PTPRR: variants seen among roughly 807,000 people sequenced by gnomAD.
PTPRR encodes protein tyrosine phosphatase receptor type R, also known as receptor-type tyrosine-protein phosphatase R.
PTPRR carries 38 observed loss-of-function variants against 77.2 expected under a neutral mutation model. That is an observed-to-expected ratio of 0.49 (90% CI 0.38 to 0.65). PTPRR has a LOEUF of 0.65. PTPRR is among the 30% of genes least tolerant of loss of function. PTPRR has a pLI of 0.00. For synonymous variants in PTPRR, 299 were observed against 283.1 expected, an observed-to-expected ratio of 1.06 and a Z score of -0.57; for missense variants, 744 against 799.2, an observed-to-expected ratio of 0.93 and a Z score of 0.83.
At chr12:70,769,238 C>T (rs540232005) in intron 2 of PTPRR, among the ~76,000 whole-genome samples, 1,659 of 150,792 alleles carry the variant, frequency 0.011, 24 homozygotes, top group African/African-American at 0.039. Context: ...TTGCAGACGA[C>T]GTGATTGTAT....
At chr12:70,701,370 G>C in intron 6 of PTPRR, 47 bp from the exon 7 acceptor site, 1 of 1,555,680 alleles carries the variant, frequency 6.4e-7, no homozygotes, top group Non-Finnish European at 8.8e-7. Flanking sequence ...TACTTATTTT[G>C]ATTGCAAAAA....
chr12:70,781,826 A>G (rs1307201904), intron 2 of PTPRR, among the ~76,000 whole-genome samples: 1 of 152,138 alleles, frequency 6.6e-6, no homozygotes, highest in Non-Finnish European at 1.5e-5. Flanking sequence ...CTACAGCAAT[A>G]GTGTCTTAGA....
chr12:70,778,416 C>T (rs1309478380), intron 2 of PTPRR, among the ~76,000 whole-genome samples: 1 of 152,146 alleles, frequency 6.6e-6, no homozygotes, highest in Admixed American at 6.5e-5. Flanking sequence ...TTATAGTCTA[C>T]AGATTCCAGA....
chr12:70,882,368 C>CGG (rs1161669546), intron 2 of PTPRR, among the ~76,000 whole-genome samples: 2 of 152,132 alleles, frequency 1.3e-5, no homozygotes, highest in African/African-American at 4.8e-5. Context: ...TCCTAAGTCA[C>CGG]TACCGTGACT....
At chr12:70,805,418 C>G (rs1430330576) in intron 2 of PTPRR, among the ~76,000 whole-genome samples, 3 of 151,950 alleles carry the variant, frequency 2.0e-5, no homozygotes, top group Admixed American at 2.0e-4. Context: ...CTCCCTGAAG[C>G]CTGGAGTCAG....
intron 10 of PTPRR, among the ~76,000 whole-genome samples, 180 bp from the exon 11 acceptor site, chr12:70,662,785 A>G (rs1438383530): frequency 6.6e-6 from 1 of 152,156 alleles, no homozygotes; most frequent in Non-Finnish European, 1.5e-5. Context: ...GCTAGATTTT[A>G]TGGTATATAA....
At chr12:70,737,955 C>T (rs146705083) in intron 6 of PTPRR, among the ~76,000 whole-genome samples, 5 of 152,156 alleles carry the variant, frequency 3.3e-5, no homozygotes, top group African/African-American at 1.2e-4. Context: ...TAAAGATTCT[C>T]CAAGTTAAAA....
In PTPRR at chr12:70,736,914, G is replaced by C. The variant is rs375423288; in HGVS notation, c.1007+8904C>G. On this transcript the variant is annotated intron_variant, in intron 6 of 13. Transcript: ENST00000283228. Reference sequence around the variant, plus strand: ...GAACCTGGAGTGTAAACTTAGCTCTGCTGCGACCTTTGGCAAGTACAGTAA... The same window carrying C: ...GAACCTGGAGTGTAAACTTAGCTCTCCTGCGACCTTTGGCAAGTACAGTAA... Among the ~76,000 whole-genome samples, 73 of 152,304 alleles carry C rather than the reference G, an allele frequency of 4.8e-4. 1 individual carries two copies. The East Asian group carries it at 0.013, about 28-fold the overall frequency.
intron 2 of PTPRR, among the ~76,000 whole-genome samples, chr12:70,789,567 G>A (rs1891388178): frequency 6.6e-6 from 1 of 151,876 alleles, no homozygotes. Context: ...ATACCATTAT[G>A]ATTGAACCCT....
At chr12:70,743,969 A>C (rs892495970) in intron 6 of PTPRR, among the ~76,000 whole-genome samples, 2 of 152,102 alleles carry the variant, frequency 1.3e-5, no homozygotes, top group South Asian at 4.1e-4. Context: ...AATCAGTTTC[A>C]TTATGACCCT....
intron 2 of PTPRR, among the ~76,000 whole-genome samples, chr12:70,831,007 A>G (rs969444123): frequency 1.3e-5 from 2 of 152,172 alleles, no homozygotes; most frequent in African/African-American, 4.8e-5. Context: ...AAAAGACTTT[A>G]TTGTATTAGC....
chr12:70,797,714 T>C (rs956635391), intron 2 of PTPRR, among the ~76,000 whole-genome samples: 1 of 152,130 alleles, frequency 6.6e-6, no homozygotes, highest in African/African-American at 2.4e-5. Flanking sequence ...TTGAGTACTC[T>C]TGTCTTCTTG....
intron 12 of PTPRR, among the ~76,000 whole-genome samples, chr12:70,659,545 T>C (rs1886717639): frequency 6.6e-6 from 1 of 151,984 alleles, no homozygotes; most frequent in Admixed American, 6.6e-5. Flanking sequence ...GGGAGCTGGT[T>C]TTATAGGGGA....
intron 2 of PTPRR, among the ~76,000 whole-genome samples, chr12:70,845,894 G>A (rs1180144643): frequency 6.6e-6 from 1 of 152,112 alleles, no homozygotes; most frequent in Non-Finnish European, 1.5e-5. Context: ...CTGAACCTAA[G>A]TGCCCTGAAT....
chr12:70,903,784 G>A (rs1038889317), intron 1 of PTPRR, among the ~76,000 whole-genome samples: 8 of 151,792 alleles, frequency 5.3e-5, no homozygotes, highest in Middle Eastern at 3.4e-3. Flanking sequence ...TGTTAAGAAA[G>A]GGAGAAAGCT....
intron 6 of PTPRR, among the ~76,000 whole-genome samples, chr12:70,742,030 A>G (rs2136917489): frequency 6.6e-6 from 1 of 152,342 alleles, no homozygotes; most frequent in East Asian, 1.9e-4. Context: ...ACTGCTGGAA[A>G]TGAAGGGGCT....
intron 8 of PTPRR, among the ~76,000 whole-genome samples, chr12:70,697,510 A>C (rs1308302654): frequency 1.3e-5 from 2 of 152,108 alleles, no homozygotes; most frequent in East Asian, 3.8e-4. Context: ...CCATTCTATG[A>C]GTTGTCTTTT....
rs1049833581 is a variant in PTPRR, at chr12:70,808,479, G to A, written c.358-43701C>T. On this transcript the variant is annotated intron_variant, in intron 2 of 13. Coordinates refer to ENST00000283228, the MANE Select transcript of PTPRR (RefSeq NM_002849.4). ...CTCAGGGGGCATCACAGAACCTGCT[G>A]ACATGTGATGTCTCCCTTGGACACC... 4.4e-4 allele frequency among the ~76,000 whole-genome samples: 67 copies of A among 152,088 alleles called. 1 individual carries two copies. The highest frequency in any genetic ancestry group is 1.0e-4 in the Non-Finnish European group (7 of 68,026).
intron 10 of PTPRR, among the ~76,000 whole-genome samples, chr12:70,676,493 T>G: frequency 6.6e-6 from 1 of 152,048 alleles, no homozygotes; most frequent in East Asian, 1.9e-4. Flanking sequence ...CTTCTGATTT[T>G]TTCTCATGGT....
Sources: allele counts gnomAD v4.1 joint callset (sites outside exome capture counted in the v4.1 genomes callset), GRCh38; gene constraint gnomAD v4.1.1; transcripts MANE v1.5; gene names NCBI Gene and HGNC (gene_info 2026-07-23, HGNC 2026-07-21).